Variants in AKAP6 observed in about 807,000 individuals in gnomAD.
AKAP6 encodes A-kinase anchoring protein 6.
AKAP6 carries 58 observed loss-of-function variants against 188.5 expected under a neutral mutation model. The observed-to-expected ratio is 0.31, with a 90% CI of 0.25 to 0.38. The LOEUF is 0.38. Among genes scored for constraint, AKAP6 ranks in the 10% least tolerant of loss-of-function variants. AKAP6 has a pLI of 1.00. For missense variants in AKAP6, 2,710 were observed against 2,740.0 expected, an observed-to-expected ratio of 0.99 and a Z score of 0.24; for synonymous variants, 989 against 998.6, an observed-to-expected ratio of 0.99 and a Z score of 0.18.
chr14:32,560,681 G>T (rs1883919093), intron 4 of AKAP6, among the ~76,000 whole-genome samples: 1 of 152,154 alleles, frequency 6.6e-6, no homozygotes, highest in African/African-American at 2.4e-5. Context: ...AAACTCAAAA[G>T]ATGGATAAAC....
At chr14:32,741,824 T>TTC (rs1251285121) in intron 11 of AKAP6, among the ~76,000 whole-genome samples, 1 of 145,424 alleles carries the variant, frequency 6.9e-6, no homozygotes, top group Non-Finnish European at 1.5e-5. Flanking sequence ...TGTAGGTTTT[T>TTC]TTTTTTTTTT....
intron 2 of AKAP6, among the ~76,000 whole-genome samples, chr14:32,469,348 A>G (rs1407949303): frequency 1.3e-5 from 2 of 152,226 alleles, no homozygotes; most frequent in Admixed American, 1.3e-4. Flanking sequence ...AAGAAGAATT[A>G]AAAACAAGAT....
At chr14:32,483,851 C>T (rs1422460139) in intron 2 of AKAP6, among the ~76,000 whole-genome samples, 1 of 151,928 alleles carries the variant, frequency 6.6e-6, no homozygotes, top group Non-Finnish European at 1.5e-5. Flanking sequence ...ACATAGTATA[C>T]ATGGGCTATG....
chr14:32,709,277 T>C (rs1890941494), intron 9 of AKAP6, among the ~76,000 whole-genome samples: 1 of 151,864 alleles, frequency 6.6e-6, no homozygotes, highest in Admixed American at 6.6e-5. Flanking sequence ...GTTCAGGAAA[T>C]AGTTCCAGAA....
intron 2 of AKAP6, among the ~76,000 whole-genome samples, chr14:32,526,534 C>T (rs1243519777): frequency 3.3e-5 from 5 of 152,100 alleles, no homozygotes; most frequent in Non-Finnish European, 5.9e-5. Flanking sequence ...GTGCCTGGCC[C>T]AGGCTTGCAT....
chr14:32,410,947 C>A (rs1033608150), intron 1 of AKAP6, among the ~76,000 whole-genome samples: 1 of 152,118 alleles, frequency 6.6e-6, no homozygotes, highest in East Asian at 1.9e-4. Context: ...CATCTGTGCT[C>A]AACCATGCAT....
intron 1 of AKAP6, among the ~76,000 whole-genome samples, chr14:32,393,049 T>C (rs1046980143): frequency 6.6e-6 from 1 of 152,140 alleles, no homozygotes; most frequent in Non-Finnish European, 1.5e-5. Context: ...GAATCATCAC[T>C]GGTTGCTAAA....
intron 11 of AKAP6, among the ~76,000 whole-genome samples, chr14:32,763,998 C>T (rs1283494150): frequency 6.6e-6 from 1 of 152,146 alleles, no homozygotes; most frequent in South Asian, 2.1e-4. Flanking sequence ...TATAGTTAAA[C>T]ACATAATTGG....
chr14:32,756,766 G>A (rs1013342640), intron 11 of AKAP6, among the ~76,000 whole-genome samples: 1 of 152,074 alleles, frequency 6.6e-6, no homozygotes, highest in Non-Finnish European at 1.5e-5. Context: ...GGGTCTCCTG[G>A]GATGGGTTTT....
rs1233382393 is a variant in AKAP6 at position 32,836,902 on chromosome 14, A to G, written c.*7097A>G. 6.6e-6 allele frequency: 1 copy of G among 152,204 alleles called. No homozygotes were observed. Among genetic ancestry groups the G allele is most frequent in the Non-Finnish European group, 1.5e-5 (1 of 68,044 alleles). The allele number at this position is 152,204 out of a possible 1,614,324, so 9.4% of individuals were successfully genotyped here. A position where few individuals can be genotyped will look rare whatever the true frequency, so the allele number is the denominator to read the frequency against. On this transcript the variant is annotated 3_prime_UTR_variant, in exon 14 of 14. Coordinates refer to ENST00000280979, the MANE Select transcript of AKAP6 (RefSeq NM_004274.5). ...TCTTCAGAAAAAAAGGAATTCAAAA[A>G]GCAAATGTAAAATGGAACAGAACTT...
chr14:32,823,890 G>C lies in AKAP6; in HGVS notation c.6077G>C (p.Gly2026Ala), dbSNP rs1264810849. The change falls in exon 13 of 14, where the codon GGA (glycine) becomes GCA (alanine). Residue 2026 changes from glycine to alanine, a missense_variant. Transcript: ENST00000280979. ...AGCCLALEQN[G>A]TEENASISNI... is the part of the protein sequence containing the mutation. The stretch of plus-strand genomic sequence containing the variant: ...TGTTGCCTAGCACTTGAACAAAACG[G>C]AACAGAGGAAAATGCTTCTATCAGC... The C allele has an allele frequency of 2.5e-6, 4 of 1,613,830 alleles. No individual in the cohort carries two copies. Among genetic ancestry groups the C allele is most frequent in the African/African-American group, 1.3e-5 (1 of 75,002 alleles).
At chr14:32,655,751 C>T (rs939091695) in intron 7 of AKAP6, among the ~76,000 whole-genome samples, 24 of 152,004 alleles carry the variant, frequency 1.6e-4, no homozygotes, top group African/African-American at 2.7e-4. Context: ...AGACAAATTG[C>T]CTGGGGAAGA....
intron 1 of AKAP6, among the ~76,000 whole-genome samples, chr14:32,416,307 A>T (rs1889655478): frequency 6.6e-6 from 1 of 152,168 alleles, no homozygotes; most frequent in Non-Finnish European, 1.5e-5. Context: ...AGTGATGTTG[A>T]GCATCTTTTT....
chr14:32,421,283 C>T (rs934432164), intron 1 of AKAP6, among the ~76,000 whole-genome samples: 5 of 152,064 alleles, frequency 3.3e-5, no homozygotes, highest in Non-Finnish European at 2.9e-5. Flanking sequence ...TTTCTCTTTC[C>T]TCTTGCCTTC....
chr14:32,580,684 C>A (rs1015174777), intron 5 of AKAP6, among the ~76,000 whole-genome samples: 6 of 152,138 alleles, frequency 3.9e-5, no homozygotes, highest in African/African-American at 1.2e-4. Flanking sequence ...GGTATATCTC[C>A]TAATGCTATC....
At chr14:32,803,690 CTCT>C (rs749224504) in intron 12 of AKAP6, among the ~76,000 whole-genome samples, 3 of 152,120 alleles carry the variant, frequency 2.0e-5, no homozygotes, top group Non-Finnish European at 4.4e-5. Flanking sequence ...TCTTTTCATT[CTCT>C]TCTTTCGCTC....
intron 1 of AKAP6, among the ~76,000 whole-genome samples, chr14:32,364,482 G>A (rs1044649383): frequency 6.6e-6 from 1 of 152,094 alleles, no homozygotes. Flanking sequence ...TGTTGAAAGG[G>A]GGGTAGTGGG....
At chr14:32,690,248 G>T (rs1481386965) in intron 8 of AKAP6, among the ~76,000 whole-genome samples, 1 of 151,486 alleles carries the variant, frequency 6.6e-6, no homozygotes, top group Admixed American at 6.6e-5. Flanking sequence ...TCCTTAGTGA[G>T]CCCAGTTGAA....
chr14:32,540,067 G>C (rs1450956005), intron 3 of AKAP6, among the ~76,000 whole-genome samples: 1 of 139,858 alleles, frequency 7.2e-6, no homozygotes, highest in African/African-American at 2.7e-5. Flanking sequence ...TATGGAAAAG[G>C]AACAGAGTAA....
Sources: allele counts gnomAD v4.1 joint callset (sites outside exome capture counted in the v4.1 genomes callset), GRCh38; gene constraint gnomAD v4.1.1; transcripts MANE v1.5; gene names NCBI Gene and HGNC (gene_info 2026-07-23, HGNC 2026-07-21).